LARP6: variants seen among roughly 807,000 people sequenced by gnomAD.
LARP6 encodes la-related protein 6.
LARP6 carries 18 observed loss-of-function variants against 32.8 expected under a neutral mutation model. The ratio of observed to expected loss-of-function variants is 0.55; its 90% CI spans 0.38 to 0.81. LARP6 has a LOEUF of 0.81. Ranked by LOEUF, LARP6 falls within the 40% of genes least tolerant of loss-of-function variation. LARP6 has a pLI of 0.00. For synonymous variants in LARP6, 289 were observed against 267.2 expected (o/e 1.08, Z -0.80); for missense variants, 598 against 663.1 (o/e 0.90, Z 1.08).
At chr15:70,844,561 C>G (rs562281756) in intron 1 of LARP6, among the ~76,000 whole-genome samples, 131 of 152,290 alleles carry the variant, frequency 8.6e-4, no homozygotes, top group African/African-American at 3.1e-3. Flanking sequence ...CTGTTCCCTA[C>G]AGGGCTAAGT....
Position 70,832,708 on chromosome 15 carries a change from C to A in LARP6, c.820G>T (p.Glu274Ter). Residue 274 changes from glutamate (E) to a stop codon, truncating the protein, a stop_gained, in exon 3 of 3, where the codon GAG becomes TAG. Transcript: ENST00000299213. LOFTEE classifies it high-confidence loss of function. ...CCCTGAGATTCTGTGATCATGAACT[C>A]ATGGGCTTTGATGGCTGCTTCCACC... Reference protein sequence around the residue: ...EEVEAAIKAHEFMITESQGKE... With the variant: ...EEVEAAIKAH 6.2e-7 allele frequency: 1 copy of A among 1,604,454 alleles called. No homozygotes were observed. Among genetic ancestry groups the A allele is most frequent in the Non-Finnish European group, 8.5e-7 (1 of 1,176,222 alleles).
In LARP6 at chr15:70,833,248, A is replaced by G. The variant is rs144208362; in HGVS notation, c.412-132T>C. 26 of 699,994 alleles carry G rather than the reference A, an allele frequency of 3.7e-5. No individual in the cohort carries two copies. The East Asian group carries it at 6.8e-4, about 18-fold the overall frequency. 43.4% of individuals were successfully genotyped at this position (699,994 alleles called of 1,614,324 possible). On this transcript the variant is annotated intron_variant, in intron 2 of 2. Coordinates refer to ENST00000299213, the MANE Select transcript of LARP6 (RefSeq NM_018357.4). The stretch of plus-strand genomic sequence containing the variant: ...CCTGTATTCTAGTGTCTAGAATCAT[A>G]CGTGGTATGTGTAAACACTCAAAAA...
At position 70,831,454 on chromosome 15, in the gene LARP6, C is replaced by T. The variant is rs1220717118; in HGVS notation, c.*598G>A. ...AGAAAAGAAAGATGTCTCTGCTAAG[C>T]TCCTCAGGGCCTCATGACATACCAC... On this transcript the variant is annotated 3_prime_UTR_variant, in exon 3 of 3. Transcript: ENST00000299213. 3 of 152,188 alleles carry T rather than the reference C, an allele frequency of 2.0e-5. No individual in the cohort carries two copies. Among genetic ancestry groups the T allele is most frequent in the Non-Finnish European group, 4.4e-5 (3 of 68,044 alleles). The allele number at this position is 152,188 out of a possible 1,614,324, so 9.4% of individuals were successfully genotyped here.
At chr15:70,838,501 T>A (rs957107497) in intron 1 of LARP6, among the ~76,000 whole-genome samples, 1 of 152,150 alleles carries the variant, frequency 6.6e-6, no homozygotes, top group African/African-American at 2.4e-5. Context: ...GACCCTGTAA[T>A]GGACTCTGGA....
intron 1 of LARP6, among the ~76,000 whole-genome samples, chr15:70,842,973 T>C (rs982156822): frequency 6.6e-6 from 1 of 152,176 alleles, no homozygotes; most frequent in Non-Finnish European, 1.5e-5. Context: ...GTTTGTGAAA[T>C]AGCCTTCAAA....
intron 2 of LARP6, among the ~76,000 whole-genome samples, chr15:70,835,921 T>C (rs975534896): frequency 6.6e-6 from 1 of 152,204 alleles, no homozygotes; most frequent in African/African-American, 2.4e-5. Flanking sequence ...AATGAAAAGC[T>C]TGAATTTCAT....
chr15:70,836,823 C>T (rs2032157110), intron 1 of LARP6, among the ~76,000 whole-genome samples: 1 of 152,110 alleles, frequency 6.6e-6, no homozygotes, highest in Non-Finnish European at 1.5e-5. Context: ...CCACCAGAAG[C>T]GAGGAAAGAT....
chr15:70,852,543 TG>T (rs1431155276), intron 1 of LARP6, among the ~76,000 whole-genome samples: 2 of 152,114 alleles, frequency 1.3e-5, no homozygotes, highest in African/African-American at 4.8e-5. Flanking sequence ...ATAAACCACT[TG>T]GGGCTATTTT....
At chr15:70,846,611 AAAAT>A (rs1222901241) in intron 1 of LARP6, among the ~76,000 whole-genome samples, 3 of 93,310 alleles carry the variant, frequency 3.2e-5, no homozygotes, top group East Asian at 3.3e-4. Flanking sequence ...CCTGTCTCAA[AAAAT>A]AAATAAATAC....
chr15:70,833,836 T>C (rs911068414), intron 2 of LARP6, among the ~76,000 whole-genome samples: 1 of 152,250 alleles, frequency 6.6e-6, no homozygotes, highest in African/African-American at 2.4e-5. Context: ...TGACATGGAC[T>C]ACTTCAACTT....
rs144472315 is a variant in LARP6, at chr15:70,836,304, G to A, written c.402C>T (p.Ser134=). The change falls in exon 2 of 3, where the codon TCC becomes TCT. Residue 134 remains serine, a synonymous_variant. Transcript: ENST00000299213. ...GAGAACCAAGCCTCACCTTTTTGAA[G>A]GATGTGAGTAGCTTAACGCTCACAT... ...LGYVSVKLLT[S]FKKVKHLTRD... is the part of the protein sequence containing the mutation. 267 of 1,613,794 alleles carry A rather than the reference G, an allele frequency of 1.7e-4. No individual in the cohort carries two copies. Among genetic ancestry groups the A allele is most frequent in the Non-Finnish European group, 2.2e-4 (259 of 1,179,786 alleles).
intron 1 of LARP6, among the ~76,000 whole-genome samples, chr15:70,846,738 T>C (rs1264867204): frequency 6.6e-6 from 1 of 152,136 alleles, no homozygotes; most frequent in Non-Finnish European, 1.5e-5. Flanking sequence ...CTTATTTCCA[T>C]CGGTTTCCTT....
At position 70,830,714 on chromosome 15, in the gene LARP6, C is replaced by T. The variant is rs1422030337; in HGVS notation, c.*1338G>A. Reference sequence around the variant, plus strand: ...GGAAAGCTCTTAGCATAGTCCCTGGCACCTAATCACTGTTCAATAATTATT... The same window carrying T: ...GGAAAGCTCTTAGCATAGTCCCTGGTACCTAATCACTGTTCAATAATTATT... On this transcript the variant is annotated 3_prime_UTR_variant, in exon 3 of 3. Coordinates refer to ENST00000299213, the MANE Select transcript of LARP6 (RefSeq NM_018357.4). 6.6e-6 allele frequency: 1 copy of T among 152,228 alleles called. No individual in the cohort carries two copies. The highest frequency in any genetic ancestry group is 1.9e-4 in the East Asian group (1 of 5,202). 9.4% of individuals were successfully genotyped at this position (152,228 alleles called of 1,614,324 possible). A position where few individuals can be genotyped will look rare whatever the true frequency, so the allele number is the denominator to read the frequency against.
intron 1 of LARP6, among the ~76,000 whole-genome samples, chr15:70,843,855 C>T (rs2032301052): frequency 6.6e-6 from 1 of 151,594 alleles, no homozygotes; most frequent in South Asian, 2.1e-4. Context: ...AGGGTTTCAC[C>T]GTGTTGCCCA....
At chr15:70,848,720 G>T (rs1009675439) in intron 1 of LARP6, among the ~76,000 whole-genome samples, 1 of 151,530 alleles carries the variant, frequency 6.6e-6, no homozygotes, top group African/African-American at 2.4e-5. Flanking sequence ...TGACAGAGCA[G>T]GACTCTGTCT....
At chr15:70,851,952 A>T in intron 1 of LARP6, 1 of 550,652 alleles carries the variant, frequency 1.8e-6, no homozygotes, top group African/African-American at 1.9e-5. Flanking sequence ...CCCTATGCTC[A>T]GGGAACTAGC....
At chr15:70,835,612 C>T (rs1449369730) in intron 2 of LARP6, among the ~76,000 whole-genome samples, 1 of 152,164 alleles carries the variant, frequency 6.6e-6, no homozygotes, top group African/African-American at 2.4e-5. Flanking sequence ...TGCAACAGGC[C>T]GCGTAGTGCT....
chr15:70,839,168 G>A (rs530098796), intron 1 of LARP6, among the ~76,000 whole-genome samples: 105 of 152,122 alleles, frequency 6.9e-4, no homozygotes, highest in Non-Finnish European at 1.3e-3. Context: ...AGCCTGGCAC[G>A]GTGGCTCACA....
chr15:70,842,070 G>A (rs1447727890), intron 1 of LARP6, among the ~76,000 whole-genome samples: 2 of 151,716 alleles, frequency 1.3e-5, no homozygotes, highest in Non-Finnish European at 2.9e-5. Flanking sequence ...TTTGAGACTG[G>A]ATCTTGCTCT....
Sources: allele counts gnomAD v4.1 joint callset (sites outside exome capture counted in the v4.1 genomes callset), GRCh38; gene constraint gnomAD v4.1.1; transcripts MANE v1.5; gene names NCBI Gene and HGNC (gene_info 2026-07-23, HGNC 2026-07-21).